Variants in ACSS3 observed in about 807,000 individuals in gnomAD.
ACSS3 encodes acyl-CoA synthetase short chain family member 3.
Under a neutral mutation model 84.2 loss-of-function variants are expected in ACSS3, and 64 were observed. That is an observed-to-expected ratio of 0.76 (90% CI 0.62 to 0.94). The LOEUF (loss-of-function observed/expected upper bound fraction) is 0.94, where lower values mean the gene tolerates loss of function less well. ACSS3 is among the 40% of genes least tolerant of loss of function. ACSS3 has a pLI of 0.00. For synonymous variants in ACSS3, 317 were observed against 310.1 expected (o/e 1.02, Z -0.23); for missense variants, 815 against 867.6 (o/e 0.94, Z 0.76).
At chr12:81,175,487 G>A (rs1213333058) in intron 8 of ACSS3, among the ~76,000 whole-genome samples, 1 of 151,916 alleles carries the variant, frequency 6.6e-6, no homozygotes, top group East Asian at 1.9e-4. Flanking sequence ...AAGATATTTG[G>A]GACTCCACAC....
At chr12:81,131,002 C>T (rs1885460483) in intron 2 of ACSS3, among the ~76,000 whole-genome samples, 1 of 152,256 alleles carries the variant, frequency 6.6e-6, no homozygotes, top group Non-Finnish European at 1.5e-5. Context: ...TGTTTTGGTA[C>T]CAGTACCATG....
chr12:81,079,319 C>T (rs1459837857), intron 1 of ACSS3, among the ~76,000 whole-genome samples: 1 of 152,114 alleles, frequency 6.6e-6, no homozygotes, highest in African/African-American at 2.4e-5. Flanking sequence ...TAGAGTGTGG[C>T]TCCTTATGTG....
rs1443786739 is a variant in ACSS3 at position 81,260,777 on chromosome 12, A to G, written c.*5855A>G. The G allele has an allele frequency of 1.3e-5, 2 of 152,176 alleles. No individual in the cohort carries two copies. Among genetic ancestry groups the G allele is most frequent in the East Asian group, 1.9e-4 (1 of 5,194 alleles). The allele number at this position is 152,176 out of a possible 1,614,324, so 9.4% of individuals were successfully genotyped here. ...AAGGTGAGTTGTTCCTCTGTCTATA[A>G]CTGTTTTCTCTTAACCCTGTGCACA... On this transcript the variant is annotated 3_prime_UTR_variant, in exon 16 of 16. Transcript: ENST00000548058.
In ACSS3 at chr12:81,133,793, G is replaced by T. The variant is rs1885647966; in HGVS notation, c.457-1023G>T. Among the ~76,000 whole-genome samples, 4 of 152,166 alleles carry T rather than the reference G, an allele frequency of 2.6e-5. No homozygotes were observed. In the South Asian group the frequency reaches 6.2e-4, roughly 24 times the overall value. Reference sequence around the variant, plus strand: ...CTAAAGTATAAGTACTTGCAGGGTAGAGATTATTGTCTTGTCTTGTTTACT... The same window carrying T: ...CTAAAGTATAAGTACTTGCAGGGTATAGATTATTGTCTTGTCTTGTTTACT... On this transcript the variant is annotated intron_variant, in intron 2 of 15. Transcript: ENST00000548058.
chr12:81,118,810 T>G (rs1437847224), intron 2 of ACSS3, among the ~76,000 whole-genome samples: 1 of 152,166 alleles, frequency 6.6e-6, no homozygotes, highest in Admixed American at 6.6e-5. Context: ...AGTGGGGCCA[T>G]AAAGATGAAC....
chr12:81,183,204 T>C (rs1356106080), intron 8 of ACSS3, among the ~76,000 whole-genome samples: 1 of 152,232 alleles, frequency 6.6e-6, no homozygotes, highest in Non-Finnish European at 1.5e-5. Context: ...TATCACACTT[T>C]GTTTTGTGAT....
chr12:81,214,198 G>T (rs1405153676), intron 9 of ACSS3, among the ~76,000 whole-genome samples: 3 of 151,490 alleles, frequency 2.0e-5, no homozygotes, highest in African/African-American at 7.3e-5. Flanking sequence ...GCTAATTTTT[G>T]TCTTTGTAGT....
intron 11 of ACSS3, among the ~76,000 whole-genome samples, chr12:81,225,156 TTG>T (rs141396702): frequency 8.7e-5 from 13 of 149,552 alleles, no homozygotes; most frequent in South Asian, 2.1e-4. Flanking sequence ...GGGAACTACT[TTG>T]TGTGTGTGTG....
rs1486861436 is a variant in ACSS3 at position 81,143,088 on chromosome 12, T to A, written c.781-19T>A. 2 of 1,606,566 alleles carry A rather than the reference T, an allele frequency of 1.2e-6. No individual in the cohort carries two copies. The highest frequency in any genetic ancestry group is 2.2e-5 in the East Asian group (1 of 44,790). ...AATCTCCTTATTACAGTACATATTC[T>A]TATATTTTTGCTGTGTAGGAGGCGG... On this transcript the variant is annotated intron_variant, in intron 4 of 15. Coordinates refer to ENST00000548058, the MANE Select transcript of ACSS3 (RefSeq NM_024560.4).
chr12:81,238,105 A>C (rs894758732), intron 13 of ACSS3, among the ~76,000 whole-genome samples: 5 of 151,712 alleles, frequency 3.3e-5, no homozygotes, highest in African/African-American at 1.2e-4. Context: ...CTTTTTCTGC[A>C]TGTACTGATA....
intron 2 of ACSS3, among the ~76,000 whole-genome samples, chr12:81,115,905 A>G (rs1283120425): frequency 2.6e-5 from 4 of 152,150 alleles, no homozygotes; most frequent in Admixed American, 2.6e-4. Context: ...AAATTTGGAA[A>G]TGAAAGCTTG....
chr12:81,229,896 G>A (rs1420953812), intron 11 of ACSS3, among the ~76,000 whole-genome samples: 3 of 151,854 alleles, frequency 2.0e-5, no homozygotes, highest in Non-Finnish European at 1.5e-5. Flanking sequence ...AAGAGGCATC[G>A]GCAGCTGCTT....
chr12:81,140,869 G>A (rs1029884652), intron 4 of ACSS3, among the ~76,000 whole-genome samples: 7 of 152,122 alleles, frequency 4.6e-5, no homozygotes, highest in Non-Finnish European at 7.3e-5. Context: ...AATTTGTTCA[G>A]AACTTATGAT....
chr12:81,213,728 C>T (rs1194485417), intron 9 of ACSS3, among the ~76,000 whole-genome samples: 1 of 114,082 alleles, frequency 8.8e-6, no homozygotes, highest in Non-Finnish European at 1.9e-5. Flanking sequence ...CTCCGCTCCC[C>T]TCCGCTCCCC....
At chr12:81,198,616 C>G (rs1251874572) in intron 8 of ACSS3, among the ~76,000 whole-genome samples, 1 of 151,410 alleles carries the variant, frequency 6.6e-6, no homozygotes, top group Non-Finnish European at 1.5e-5. Context: ...CCCATAAACA[C>G]CCATGCTCTC....
chr12:81,232,657 A>G (rs995573044), intron 12 of ACSS3, among the ~76,000 whole-genome samples: 11 of 151,782 alleles, frequency 7.2e-5, no homozygotes, highest in Non-Finnish European at 1.2e-4. Context: ...CATTTAACAG[A>G]TGAGAATACT....
At chr12:81,091,094 C>T (rs986438743) in intron 1 of ACSS3, among the ~76,000 whole-genome samples, 1 of 151,414 alleles carries the variant, frequency 6.6e-6, no homozygotes, top group African/African-American at 2.4e-5. Context: ...ATTTTTGATT[C>T]ACGGTTGGTT....
chr12:81,135,120 A>G (rs886732592), intron 3 of ACSS3, 116 bp downstream of exon 3: 8 of 853,204 alleles, frequency 9.4e-6, no homozygotes, highest in African/African-American at 3.5e-5. Context: ...TTCAAATAGG[A>G]TGGTTGATAA....
intron 1 of ACSS3, among the ~76,000 whole-genome samples, chr12:81,085,468 C>T (rs533319520): frequency 6.6e-6 from 1 of 152,282 alleles, no homozygotes; most frequent in African/African-American, 2.4e-5. Context: ...TCCCCAGATG[C>T]TGCAAAGTTA....
Sources: gnomAD v4.1 joint callset for allele counts (sites outside exome capture counted in the v4.1 genomes callset) on GRCh38, gnomAD v4.1.1 for gene constraint, MANE v1.5 for transcripts, NCBI Gene and HGNC (gene_info 2026-07-23, HGNC 2026-07-21) for gene names.